NDRG3: variants seen among roughly 807,000 people sequenced by gnomAD.
The protein encoded by NDRG3 is NDRG family member 3.
A neutral mutation model predicts 57.2 loss-of-function variants in NDRG3; 23 were observed. That is an observed-to-expected ratio of 0.40 (90% CI 0.29 to 0.57). The LOEUF is 0.57. Among genes scored for constraint, NDRG3 ranks in the 20% least tolerant of loss-of-function variants. NDRG3 has a pLI of 0.42. For synonymous variants in NDRG3, 132 were observed against 162.6 expected (o/e 0.81, Z 1.43); for missense variants, 384 against 457.3 (o/e 0.84, Z 1.46).
intron 6 of NDRG3, among the ~76,000 whole-genome samples, chr20:36,682,826 C>T (rs779445235): frequency 5.9e-5 from 9 of 151,802 alleles, no homozygotes; most frequent in Non-Finnish European, 1.2e-4. Context: ...CCGAGGCAGG[C>T]GGATCACGAG....
At chr20:36,701,241 C>T (rs1347486327) in intron 3 of NDRG3, among the ~76,000 whole-genome samples, 3 of 152,158 alleles carry the variant, frequency 2.0e-5, no homozygotes, top group African/African-American at 7.2e-5. Flanking sequence ...GTCTTAAACA[C>T]AAGGTCTTTT....
At chr20:36,706,585 C>A (rs901158301) in intron 3 of NDRG3, among the ~76,000 whole-genome samples, 1 of 152,118 alleles carries the variant, frequency 6.6e-6, no homozygotes, top group Non-Finnish European at 1.5e-5. Flanking sequence ...GCTCACTGAA[C>A]CTCTGCCTCC....
chr20:36,664,038 G>C (rs1979414994), intron 12 of NDRG3, among the ~76,000 whole-genome samples: 1 of 152,006 alleles, frequency 6.6e-6, no homozygotes, highest in South Asian at 2.1e-4. Context: ...CCTGACCTCA[G>C]GTGATCCACC....
chr20:36,660,243 G>A, intron 13 of NDRG3, 94 bp downstream of exon 13: 1 of 989,252 alleles, frequency 1.0e-6, no homozygotes, highest in Non-Finnish European at 1.5e-6. Context: ...CCAAAGAGAG[G>A]GAAGCTTTGC....
At chr20:36,687,413 C>T (rs1273207399) in intron 5 of NDRG3, 79 bp downstream of exon 5, 1 of 1,532,758 alleles carries the variant, frequency 6.5e-7, no homozygotes, top group Non-Finnish European at 8.8e-7. Flanking sequence ...AAGGGAAGCA[C>T]ACACCACTTC....
At chr20:36,666,423 C>T (rs1264634626) in intron 9 of NDRG3, 31 bp from the exon 10 acceptor site, 9 of 1,479,058 alleles carry the variant, frequency 6.1e-6, no homozygotes, top group South Asian at 3.4e-5. Flanking sequence ...CATGGGTAAG[C>T]TTCTGAGCTC....
chr20:36,728,122 C>T lies in NDRG3; in HGVS notation c.-48-6339G>A, dbSNP rs537241794. ...AGGGTGGAGTGCAGTGGCACGATCT[C>T]GGCTCACTGCAAACTCCGCCTCCCA... On this transcript the variant is annotated intron_variant, in intron 1 of 15. Coordinates refer to ENST00000349004, the MANE Select transcript of NDRG3 (RefSeq NM_032013.4). Among the ~76,000 whole-genome samples, 8 of 151,794 alleles carry T rather than the reference C, an allele frequency of 5.3e-5. No individual in the cohort carries two copies. The South Asian group carries it at 1.5e-3, about 28-fold the overall frequency.
intron 10 of NDRG3, 49 bp downstream of exon 10, chr20:36,666,240 T>A (rs202015622): frequency 7.0e-7 from 1 of 1,422,164 alleles, no homozygotes; most frequent in South Asian, 1.1e-5. Flanking sequence ...CACCCTCCTC[T>A]TTTTAGAACC....
At chr20:36,668,021 C>T (rs1398899145) in intron 9 of NDRG3, among the ~76,000 whole-genome samples, 1 of 152,128 alleles carries the variant, frequency 6.6e-6, no homozygotes, top group Admixed American at 6.5e-5. Context: ...AGGAGGATCT[C>T]TTGAGGCCAG....
intron 1 of NDRG3, among the ~76,000 whole-genome samples, chr20:36,734,180 C>T (rs374097519): frequency 2.6e-5 from 4 of 151,730 alleles, no homozygotes; most frequent in East Asian, 3.9e-4. Context: ...GCACTCCAGC[C>T]TGAGTGACAG....
intron 1 of NDRG3, among the ~76,000 whole-genome samples, chr20:36,724,097 TC>T (rs1383828885): frequency 6.6e-6 from 1 of 152,212 alleles, no homozygotes; most frequent in Non-Finnish European, 1.5e-5. Flanking sequence ...GGGTATGTGT[TC>T]CAGGCTACCT....
chr20:36,674,446 G>T (rs371916654), intron 8 of NDRG3, among the ~76,000 whole-genome samples: 2 of 151,638 alleles, frequency 1.3e-5, no homozygotes, highest in Non-Finnish European at 2.9e-5. Flanking sequence ...CAGGTGATCC[G>T]CCCACCTCGA....
At chr20:36,739,837 T>C (rs909910545) in intron 1 of NDRG3, among the ~76,000 whole-genome samples, 3 of 139,616 alleles carry the variant, frequency 2.1e-5, no homozygotes, top group African/African-American at 8.2e-5. Context: ...GTGAACCTGG[T>C]AGGCGGAGCT....
chr20:36,663,072 C>G (rs545414161), intron 12 of NDRG3, among the ~76,000 whole-genome samples: 1 of 152,234 alleles, frequency 6.6e-6, no homozygotes, highest in Non-Finnish European at 1.5e-5. Flanking sequence ...TGTATCTCCA[C>G]CTTTTTAGCC....
At chr20:36,707,159 G>A in intron 2 of NDRG3, 152 bp from the exon 3 acceptor site, 1 of 675,324 alleles carries the variant, frequency 1.5e-6, no homozygotes, top group East Asian at 2.6e-5. Flanking sequence ...CAGAGGCAGA[G>A]TGGGTTATGA....
At chr20:36,712,557 G>A (rs1177069746) in intron 2 of NDRG3, among the ~76,000 whole-genome samples, 3 of 60,142 alleles carry the variant, frequency 5.0e-5, no homozygotes, top group Admixed American at 2.7e-4. Context: ...CACCATGCCC[G>A]GCTATATATA....
chr20:36,666,426 C>T, intron 9 of NDRG3, 34 bp from the exon 10 acceptor site: 1 of 1,475,112 alleles, frequency 6.8e-7, no homozygotes, highest in Non-Finnish European at 9.5e-7. Context: ...GGGTAAGCTT[C>T]TGAGCTCCAG....
In NDRG3 at chr20:36,721,796, A is replaced by G; in HGVS notation, c.-48-13T>C. On this transcript the variant is annotated splice_polypyrimidine_tract_variant and intron_variant, in intron 1 of 15. Coordinates refer to ENST00000349004, the MANE Select transcript of NDRG3 (RefSeq NM_032013.4). ...TAAATCAGTAACTCTGAAACAGAAAAGAAAGAAGTGAAGAAAAAGGCTTAA... is the reference window on the plus strand; with the variant it reads ...TAAATCAGTAACTCTGAAACAGAAAGGAAAGAAGTGAAGAAAAAGGCTTAA... The G allele has an allele frequency of 8.1e-7, 1 of 1,229,408 alleles. No individual in the cohort carries two copies. The highest frequency in any genetic ancestry group is 1.2e-6 in the Non-Finnish European group (1 of 847,772). 76.2% of individuals were successfully genotyped at this position (1,229,408 alleles called of 1,614,324 possible). A position where few individuals can be genotyped will look rare whatever the true frequency, so the allele number is the denominator to read the frequency against.
At chr20:36,660,571 T>C (rs1370473409) in intron 12 of NDRG3, among the ~76,000 whole-genome samples, 187 bp from the exon 13 acceptor site, 2 of 149,908 alleles carry the variant, frequency 1.3e-5, no homozygotes, top group Middle Eastern at 3.4e-3. Context: ...TTTATTTATT[T>C]TTTTTTTGAG....
Sources: gnomAD v4.1 joint callset for allele counts (sites outside exome capture counted in the v4.1 genomes callset) on GRCh38, gnomAD v4.1.1 for gene constraint, MANE v1.5 for transcripts, NCBI Gene and HGNC (gene_info 2026-07-23, HGNC 2026-07-21) for gene names.